The following ZNF653 variants were observed in gnomAD, a reference collection of about 807,000 sequenced individuals.
ZNF653 encodes 67 kDa zinc finger protein.
ZNF653 carries 37 observed loss-of-function variants against 59.9 expected under a neutral mutation model. The observed-to-expected ratio is 0.62, with a 90% CI of 0.48 to 0.81. ZNF653 has a LOEUF of 0.81. Ranked by LOEUF, ZNF653 falls within the 40% of genes least tolerant of loss-of-function variation. ZNF653 has a pLI of 0.00. For synonymous variants in ZNF653, 435 were observed against 371.8 expected (o/e 1.17, Z -1.96); for missense variants, 808 against 881.1 (o/e 0.92, Z 1.05).
chr19:11,494,977 A>G (rs1251009555), intron 3 of ZNF653, among the ~76,000 whole-genome samples: 1 of 152,210 alleles, frequency 6.6e-6, no homozygotes, highest in Non-Finnish European at 1.5e-5. Context: ...AGGCCACTGC[A>G]CGCTGAGAGC....
At chr19:11,496,947 G>A (rs529729400) in intron 2 of ZNF653, among the ~76,000 whole-genome samples, 3 of 152,312 alleles carry the variant, frequency 2.0e-5, no homozygotes, top group Admixed American at 2.0e-4. Flanking sequence ...CCCACTTGGT[G>A]ACTGCACTCC....
At chr19:11,505,461 C>T (rs986327817) in intron 1 of ZNF653, 27 bp downstream of exon 1, 29 of 1,430,594 alleles carry the variant, frequency 2.0e-5, no homozygotes, top group Non-Finnish European at 2.5e-5. Context: ...TCTCCTCCCT[C>T]CCTCCCTCGG....
At position 11,505,573 on chromosome 19, in the gene ZNF653, G is replaced by A; in HGVS notation, c.214C>T (p.Leu72=). 2 of 1,513,708 alleles carry A rather than the reference G, an allele frequency of 1.3e-6. No individual in the cohort carries two copies. Among genetic ancestry groups the A allele is most frequent in the Non-Finnish European group, 1.8e-6 (2 of 1,140,276 alleles). 93.8% of individuals were successfully genotyped at this position (1,513,708 alleles called of 1,614,324 possible). ...LGEAHGPWVD[L]RRRSGWSDAK... is the part of the protein sequence containing the mutation. ...TCGCTCCAGCCGCTGCGGCGCCGCA[G>A]GTCCACCCAGGGCCCGTGCGCCTCG... The change falls in exon 1 of 9, where the codon CTG becomes TTG. Residue 72 remains leucine, a synonymous_variant. Transcript: ENST00000293771.
In ZNF653 at chr19:11,502,276, G is replaced by A. The variant is rs548693201; in HGVS notation, c.299+3212C>T. 4.0e-5 allele frequency among the ~76,000 whole-genome samples: 6 copies of A among 151,776 alleles called. No homozygotes were observed. The South Asian group carries it at 1.0e-3, about 26-fold the overall frequency. On this transcript the variant is annotated intron_variant, in intron 1 of 8. Coordinates refer to ENST00000293771, the MANE Select transcript of ZNF653 (RefSeq NM_138783.4). ...CCGGCTAATTTTTGCATTTTTAGTA[G>A]AGACAGGGTTTTGGCCTATTGGTCA...
At chr19:11,492,104 T>C (rs955273165) in intron 3 of ZNF653, among the ~76,000 whole-genome samples, 3 of 152,082 alleles carry the variant, frequency 2.0e-5, no homozygotes, top group African/African-American at 7.2e-5. Flanking sequence ...TGGAGTGCAA[T>C]GGTGCAGTCT....
Position 11,483,724 on chromosome 19 carries a change from C to G in ZNF653, c.1806G>C (p.Lys602Asn). ...GKRFEKLDSV[K>N]FHTLKSHPDH... ...CCGGGTGGCTTTTGAGCGTGTGGAACTTGACGCTGTCCAGCTTCTCGAAGC... is the reference window on the plus strand; with the variant it reads ...CCGGGTGGCTTTTGAGCGTGTGGAAGTTGACGCTGTCCAGCTTCTCGAAGC... Residue 602 changes from lysine (K) to asparagine (N), a missense_variant, in exon 9 of 9, where the codon AAG (lysine) becomes AAC (asparagine). Physicochemically the swap from Lys to Asn is moderately conservative, Grantham distance 94 (BLOSUM62 0). Coordinates refer to ENST00000293771, the MANE Select transcript of ZNF653 (RefSeq NM_138783.4). 6.2e-7 allele frequency: 1 copy of G among 1,613,728 alleles called. No homozygotes were observed. The highest frequency in any genetic ancestry group is 8.5e-7 in the Non-Finnish European group (1 of 1,179,666).
intron 1 of ZNF653, among the ~76,000 whole-genome samples, chr19:11,502,317 C>T (rs2070874541): frequency 6.6e-6 from 1 of 152,054 alleles, no homozygotes; most frequent in South Asian, 2.1e-4. Flanking sequence ...GTCTCAAATT[C>T]CTGACCTCAA....
rs1245567968 is a variant in ZNF653 at position 11,487,768 on chromosome 19, C to A, written c.695G>T (p.Gly232Val). The A allele has an allele frequency of 5.6e-6, 9 of 1,612,754 alleles. No individual in the cohort carries two copies. The highest frequency in any genetic ancestry group is 1.3e-5 in the African/African-American group (1 of 74,860). ...CTCCTGAGTGATGAGCCCGCTGCTG[C>A]CCACCGGGCTGGTGGGCGTCGCTGC... ...AAAATPTSPV[G>V]SSGLITQEGV... is the part of the protein sequence containing the mutation. Residue 232 changes from glycine to valine, a missense_variant, in exon 4 of 9, where the codon GGC (glycine) becomes GTC (valine). Coordinates refer to ENST00000293771, the MANE Select transcript of ZNF653 (RefSeq NM_138783.4). This position sits in a 1 kb window ranked among gnomAD's most constrained non-coding sequence, Gnocchi z 5.1.
At chr19:11,499,697 A>C (rs1971624649) in intron 1 of ZNF653, among the ~76,000 whole-genome samples, 1 of 151,682 alleles carries the variant, frequency 6.6e-6, no homozygotes, top group Admixed American at 6.6e-5. Context: ...GCATCGCTTG[A>C]GGCCAGAAGT....
rs181091089 is a variant in ZNF653 at position 11,485,355 on chromosome 19, C to T, written c.1570+301G>A. ...AGGTTCCAATCTGGAAGAGCAGTGG[C>T]GGTGTCAGCTGCTCCCTAAGTCTCG... On this transcript the variant is annotated intron_variant, in intron 7 of 8. Coordinates refer to ENST00000293771, the MANE Select transcript of ZNF653 (RefSeq NM_138783.4). 4.2e-3 allele frequency among the ~76,000 whole-genome samples: 642 copies of T among 152,198 alleles called. 6 individuals carry two copies. Among genetic ancestry groups the T allele is most frequent in the African/African-American group, 0.015 (612 of 41,518 alleles).
intron 3 of ZNF653, 101 bp from the exon 4 acceptor site, chr19:11,488,004 T>TATTTATTTATTTATTTATTTA: frequency 8.9e-7 from 1 of 1,120,820 alleles, no homozygotes; most frequent in African/African-American, 1.7e-5. Flanking sequence ...ATTTATTTTT[T>TATTTATTTATTTATTTATTTA]TGAGACAGAG....
chr19:11,501,646 A>G (rs950539869), intron 1 of ZNF653, among the ~76,000 whole-genome samples: 9 of 152,126 alleles, frequency 5.9e-5, no homozygotes, highest in African/African-American at 2.2e-4. Flanking sequence ...AGCACTGGAC[A>G]TGGCAGACAC....
At chr19:11,496,230 CT>C (rs769323250) in intron 2 of ZNF653, 65 bp from the exon 3 acceptor site, 129 of 1,518,386 alleles carry the variant, frequency 8.5e-5, no homozygotes, top group Non-Finnish European at 1.1e-4. Context: ...ACATGGCTGC[CT>C]GAACCACCGG....
At position 11,496,162 on chromosome 19, in the gene ZNF653, C is replaced by T. The variant is rs763673525; in HGVS notation, c.347G>A (p.Arg116Gln). Reference protein sequence around the residue: ...VPKKPKRKKRRRRNVNCLKNV... With the variant: ...VPKKPKRKKRQRRNVNCLKNV... ...CTTCAGGCAGTTCACGTTGCGTCGC[C>T]GCCCTATGGACACAGGGCCGAGGAG... The change falls in exon 3 of 9, where the codon CGG becomes CAG. Residue 116 changes from arginine (R) to glutamine (Q), a missense_variant. Coordinates refer to ENST00000293771, the MANE Select transcript of ZNF653 (RefSeq NM_138783.4). 9.9e-6 allele frequency: 16 copies of T among 1,613,430 alleles called. No homozygotes were observed. Among genetic ancestry groups the T allele is most frequent in the East Asian group, 2.2e-5 (1 of 44,870 alleles).
intron 3 of ZNF653, among the ~76,000 whole-genome samples, chr19:11,494,055 C>T (rs1004134871): frequency 3.3e-5 from 5 of 151,658 alleles, no homozygotes; most frequent in Admixed American, 1.3e-4. Context: ...GGTATGGTGG[C>T]TCACACCAGT....
chr19:11,484,052 T>G lies in ZNF653; in HGVS notation c.1660A>C (p.Thr554Pro). The G allele has an allele frequency of 6.4e-7, 1 of 1,556,156 alleles. No individual in the cohort carries two copies. Among genetic ancestry groups the G allele is most frequent in the Non-Finnish European group, 8.7e-7 (1 of 1,149,836 alleles). ...CGGCCTGTCACTCACTGCAGGGGGG[T>G]CTCGCCGGTGTGGGTGCGCCGATGT... ...EVHRRTHTGE[T>P]PLQCEICGYQ... Residue 554 changes from threonine (T) to proline (P), a missense_variant, in exon 8 of 9, where the codon ACC becomes CCC. Physicochemically the swap from Thr to Pro is conservative, Grantham distance 38. Transcript: ENST00000293771.
intron 1 of ZNF653, among the ~76,000 whole-genome samples, chr19:11,499,965 A>G (rs1158796186): frequency 6.6e-6 from 1 of 152,182 alleles, no homozygotes; most frequent in Non-Finnish European, 1.5e-5. Context: ...GTCATGGTAC[A>G]GCCCTGTCAC....
In ZNF653 at chr19:11,487,886, C is replaced by A; in HGVS notation, c.577G>T (p.Ala193Ser). 1 of 1,593,766 alleles carries A rather than the reference C, an allele frequency of 6.3e-7. No individual in the cohort carries two copies. Among genetic ancestry groups the A allele is most frequent in the Non-Finnish European group, 8.6e-7 (1 of 1,167,464 alleles). ...DSDKVGNGLV[A>S]GSSDSSSSGS... ...GAGCTGGATGAGTCAGAGCTGCCAG[C>A]CACCAGCCCATTGCCCACTGTGGGG... is the stretch of plus-strand genomic sequence containing the variant. Residue 193 changes from alanine (A) to serine (S), a missense_variant, in exon 4 of 9, where the codon GCT becomes TCT. By Grantham distance (99) the Ala-to-Ser change is moderately conservative. Transcript: ENST00000293771. This position sits in a 1 kb window ranked among gnomAD's most constrained non-coding sequence, Gnocchi z 5.1.
At chr19:11,503,564 C>T (rs28742162) in intron 1 of ZNF653, among the ~76,000 whole-genome samples, 3,354 of 152,042 alleles carry the variant, frequency 0.022, 125 homozygotes, top group African/African-American at 0.077. Context: ...CCCAGCACTT[C>T]GGGAGGCTGA....
Sources: allele counts gnomAD v4.1 joint callset (sites outside exome capture counted in the v4.1 genomes callset), GRCh38; gene constraint gnomAD v4.1.1; non-coding constraint Gnocchi (gnomAD v3.1); transcripts MANE v1.5; gene names NCBI Gene and HGNC (gene_info 2026-07-23, HGNC 2026-07-21).